The following ANKRD44 variants were observed in gnomAD, a reference collection of about 807,000 sequenced individuals.
ANKRD44 encodes the protein ankyrin repeat domain 44, also known as serine/threonine-protein phosphatase 6 regulatory ankyrin repeat subunit B.
Under a neutral mutation model 116.0 loss-of-function variants are expected in ANKRD44, and 35 were observed. The observed-to-expected ratio is 0.30, with a 90% confidence interval of 0.23 to 0.40. ANKRD44 has a LOEUF of 0.40. ANKRD44 is among the 10% of genes least tolerant of loss of function. The pLI is 1.00. For synonymous variants in ANKRD44, 435 were observed against 461.8 expected (o/e 0.94, Z 0.74); for missense variants, 1,014 against 1,242.6 (o/e 0.82, Z 2.77).
rs144195336 is a variant in ANKRD44 at position 196,988,827 on chromosome 2, T to C, written c.*764A>G. The C allele has an allele frequency of 8.9e-4, 876 of 985,462 alleles. 10 individuals are homozygous for C. In the African/African-American group the frequency reaches 0.014, roughly 15 times the overall value. 61.0% of individuals were successfully genotyped at this position (985,462 alleles called of 1,614,324 possible). On this transcript the variant is annotated 3_prime_UTR_variant, in exon 28 of 28. Coordinates refer to ENST00000282272, the MANE Select transcript of ANKRD44 (RefSeq NM_001195144.2). Reference sequence around the variant, plus strand: ...CATGTGCCCACACACTGCCATCATTTCTCATCAGGTTACTGAGACTATGTG... The same window carrying C: ...CATGTGCCCACACACTGCCATCATTCCTCATCAGGTTACTGAGACTATGTG...
intron 16 of ANKRD44, among the ~76,000 whole-genome samples, chr2:197,075,014 C>T (rs1198000345): frequency 6.6e-6 from 1 of 152,054 alleles, no homozygotes; most frequent in African/African-American, 2.4e-5. Flanking sequence ...CTTATTCTCA[C>T]AGTTGAAGTT....
At chr2:197,129,027 T>C (rs1197821940) in intron 4 of ANKRD44, among the ~76,000 whole-genome samples, 1 of 152,144 alleles carries the variant, frequency 6.6e-6, no homozygotes, top group Non-Finnish European at 1.5e-5. Flanking sequence ...GCCCTAAAAG[T>C]TTCTGACCAC....
intron 1 of ANKRD44, among the ~76,000 whole-genome samples, chr2:197,226,836 G>T (rs565684230): frequency 2.1e-4 from 32 of 152,292 alleles, no homozygotes; most frequent in Non-Finnish European, 4.1e-4. Flanking sequence ...CACATCTTCA[G>T]ATTCTTTCTT....
intron 16 of ANKRD44, among the ~76,000 whole-genome samples, chr2:197,048,272 G>A (rs544493916): frequency 6.6e-6 from 1 of 152,186 alleles, no homozygotes; most frequent in African/African-American, 2.4e-5. Flanking sequence ...CATATGCCAT[G>A]TTGGTTTGCT....
At chr2:197,116,634 C>T (rs1452998791) in intron 8 of ANKRD44, among the ~76,000 whole-genome samples, 3 of 152,196 alleles carry the variant, frequency 2.0e-5, no homozygotes, top group Non-Finnish European at 4.4e-5. Context: ...GCTCTTTCTC[C>T]TCCTCCTGTT....
At chr2:197,205,934 T>A (rs906269195) in intron 1 of ANKRD44, among the ~76,000 whole-genome samples, 4 of 152,120 alleles carry the variant, frequency 2.6e-5, no homozygotes, top group Admixed American at 2.6e-4. Flanking sequence ...ATGTGACTAG[T>A]TCAGAGGCTG....
At chr2:196,989,833 A>G (rs2075887642) in intron 27 of ANKRD44, 184 bp from the exon 28 acceptor site, 2 of 1,364,424 alleles carry the variant, frequency 1.5e-6, no homozygotes, top group South Asian at 3.4e-5. Flanking sequence ...TTTACTACTG[A>G]TGAACAATGC....
At chr2:197,097,479 T>C (rs1244088096) in intron 10 of ANKRD44, among the ~76,000 whole-genome samples, 1 of 151,282 alleles carries the variant, frequency 6.6e-6, no homozygotes, top group African/African-American at 2.4e-5. Flanking sequence ...TAGAGCTCTT[T>C]CCACAAAACT....
At position 197,126,026 on chromosome 2, in the gene ANKRD44, C is replaced by T. The variant is rs1352591003; in HGVS notation, c.273G>A (p.Gln91=). The change falls in exon 5 of 28, where the codon CAG becomes CAA. Residue 91 remains glutamine, a synonymous_variant. Coordinates refer to ENST00000282272, the MANE Select transcript of ANKRD44 (RefSeq NM_001195144.2). ...CATCAGCTGAGTGCTTAATCAAAAC[C>T]TGTACTGCTTCCTACAACAAAAGCA... The part of the protein sequence containing the change: ...AVASRSEEAV[Q]VLIKHSADVN... 3.1e-6 allele frequency: 5 copies of T among 1,614,116 alleles called. No individual in the cohort carries two copies. In the South Asian group the frequency reaches 4.4e-5, roughly 14 times the overall value.
rs987282470 is a variant in ANKRD44, at chr2:197,224,601, G to A, written c.28-37495C>T. Among the ~76,000 whole-genome samples, 8 of 152,050 alleles carry A rather than the reference G, an allele frequency of 5.3e-5. No individual in the cohort carries two copies. The South Asian group carries it at 1.7e-3, about 32-fold the overall frequency. On this transcript the variant is annotated intron_variant, in intron 1 of 27. Coordinates refer to ENST00000282272, the MANE Select transcript of ANKRD44 (RefSeq NM_001195144.2). ...TTTCTAATGCTTACATGATTATCTGGGTGATGAATTTAAGGTCATTTTTGT... is the reference window on the plus strand; with the variant it reads ...TTTCTAATGCTTACATGATTATCTGAGTGATGAATTTAAGGTCATTTTTGT...
chr2:197,219,277 C>T (rs2081530050), intron 1 of ANKRD44, among the ~76,000 whole-genome samples: 2 of 152,060 alleles, frequency 1.3e-5, no homozygotes, highest in Admixed American at 1.3e-4. Flanking sequence ...ACCATGTTGG[C>T]CAGGATGGTC....
chr2:197,066,205 T>C (rs1280309595), intron 16 of ANKRD44, among the ~76,000 whole-genome samples: 1 of 152,170 alleles, frequency 6.6e-6, no homozygotes, highest in Admixed American at 6.5e-5. Flanking sequence ...ATTATCTCAA[T>C]AGATGCAGAA....
chr2:197,258,413 A>G (rs1295502438), intron 1 of ANKRD44, among the ~76,000 whole-genome samples: 1 of 150,088 alleles, frequency 6.7e-6, no homozygotes, highest in Non-Finnish European at 1.5e-5. Context: ...GGAATTCTTT[A>G]CTAGGCCAGA....
chr2:196,968,072 C>A (rs1196549424), intron 21 of ANKRD44, among the ~76,000 whole-genome samples: 1 of 152,180 alleles, frequency 6.6e-6, no homozygotes, highest in South Asian at 2.1e-4. Context: ...CCTGCAGAAC[C>A]ATGAGCCAAA....
chr2:197,193,389 A>G lies in ANKRD44; in HGVS notation c.28-6283T>C, dbSNP rs147530529. On this transcript the variant is annotated intron_variant, in intron 1 of 27. Transcript: ENST00000282272. ...AAGGAAGTGATGGAATAACAGTATC[A>G]GTTAAATTGAAATCTGGAGGCAATG... Among the ~76,000 whole-genome samples the G allele has an allele frequency of 3.0e-3, 455 of 152,332 alleles. 1 individual carries two copies. The highest frequency in any genetic ancestry group is 0.02 in the Middle Eastern group (6 of 294).
intron 21 of ANKRD44, among the ~76,000 whole-genome samples, chr2:196,967,910 G>A (rs1406061420): frequency 1.5e-5 from 1 of 68,906 alleles, no homozygotes; most frequent in African/African-American, 3.6e-5. Context: ...TCATGGCTTG[G>A]CACTCTCTCT....
intron 9 of ANKRD44, among the ~76,000 whole-genome samples, chr2:197,103,899 C>T (rs535981343): frequency 1.2e-4 from 18 of 151,966 alleles, no homozygotes; most frequent in Non-Finnish European, 2.4e-4. Flanking sequence ...TTTTTTAGTC[C>T]TACGTTCTCC....
chr2:197,244,059 G>A (rs185919833), intron 1 of ANKRD44, among the ~76,000 whole-genome samples: 8 of 152,272 alleles, frequency 5.3e-5, no homozygotes, highest in Admixed American at 3.3e-4. Flanking sequence ...AACACTCATC[G>A]CTGTCATCCA....
At chr2:197,179,536 C>A (rs566634722) in intron 2 of ANKRD44, among the ~76,000 whole-genome samples, 1 of 152,228 alleles carries the variant, frequency 6.6e-6, no homozygotes, top group South Asian at 2.1e-4. Flanking sequence ...ATTTTTAATT[C>A]TTATATTTTT....
Sources: allele counts gnomAD v4.1 joint callset (sites outside exome capture counted in the v4.1 genomes callset), GRCh38; gene constraint gnomAD v4.1.1; transcripts MANE v1.5; gene names NCBI Gene and HGNC (gene_info 2026-07-23, HGNC 2026-07-21).